The following CMTM8 variants were observed in gnomAD, a reference collection of about 807,000 sequenced individuals.
CMTM8 encodes the protein CKLF-like MARVEL transmembrane domain-containing protein 8.
CMTM8 carries 12 observed loss-of-function variants against 18.6 expected under a neutral mutation model. That is an observed-to-expected ratio of 0.65 (90% CI 0.41 to 1.05). CMTM8 has a LOEUF of 1.05. Ranked by LOEUF, CMTM8 falls within the 50% of genes least tolerant of loss-of-function variation. The pLI is 0.00. For missense variants in CMTM8, 217 were observed against 227.2 expected (o/e 0.95, Z 0.29); for synonymous variants, 87 against 90.6 (o/e 0.96, Z 0.23).
rs974668948 is a variant in CMTM8, at chr3:32,324,104, G to A, written c.148-33269G>A. Among the ~76,000 whole-genome samples, 5 of 152,070 alleles carry A rather than the reference G, an allele frequency of 3.3e-5. No homozygotes were observed. The East Asian group carries it at 5.8e-4, about 18-fold the overall frequency. ...TCCTGTTTCTACAGCTAGTTGAGTC[G>A]GCTGAGCTTTGTTTTTCTGTTTGAA... On this transcript the variant is annotated intron_variant, in intron 1 of 3. Coordinates refer to ENST00000307526, the MANE Select transcript of CMTM8 (RefSeq NM_178868.5).
In CMTM8 at chr3:32,337,691, G is replaced by A. The variant is rs1696413071; in HGVS notation, c.148-19682G>A. ...AGACACCTTGCTGGGCTCCTTCCCA[G>A]AAATGCTGATTCAGCAGGTCTGGGT... On this transcript the variant is annotated intron_variant, in intron 1 of 3. Coordinates refer to ENST00000307526, the MANE Select transcript of CMTM8 (RefSeq NM_178868.5). Among the ~76,000 whole-genome samples the A allele has an allele frequency of 2.6e-5, 4 of 152,194 alleles. No individual in the cohort carries two copies. The South Asian group carries it at 8.3e-4, about 32-fold the overall frequency.
At chr3:32,303,076 T>C (rs1695652331) in intron 1 of CMTM8, among the ~76,000 whole-genome samples, 1 of 152,218 alleles carries the variant, frequency 6.6e-6, no homozygotes, top group Non-Finnish European at 1.5e-5. Flanking sequence ...TTGATCACTA[T>C]TACATAAACT....
At chr3:32,312,341 C>T (rs1293905003) in intron 1 of CMTM8, among the ~76,000 whole-genome samples, 1 of 152,226 alleles carries the variant, frequency 6.6e-6, no homozygotes, top group South Asian at 2.1e-4. Context: ...CCCACAATTT[C>T]TGTCTGACTT....
At position 32,328,767 on chromosome 3, in the gene CMTM8, A is replaced by G. The variant is rs1016424404; in HGVS notation, c.148-28606A>G. Among the ~76,000 whole-genome samples, 10 of 152,252 alleles carry G rather than the reference A, an allele frequency of 6.6e-5. No homozygotes were observed. In the East Asian group the frequency reaches 1.9e-3, roughly 29 times the overall value. ...AGAACAGATAAACTTCTAGAAACCT[A>G]CGACCTACCAAGACTGAATCATGAA... On this transcript the variant is annotated intron_variant, in intron 1 of 3. Coordinates refer to ENST00000307526, the MANE Select transcript of CMTM8 (RefSeq NM_178868.5).
At chr3:32,261,144 C>T (rs1433871701) in intron 1 of CMTM8, among the ~76,000 whole-genome samples, 5 of 146,754 alleles carry the variant, frequency 3.4e-5, no homozygotes, top group South Asian at 4.3e-4. Context: ...ATTGCCTGGG[C>T]GACAGAGTGA....
chr3:32,298,723 C>G (rs774187222), intron 1 of CMTM8, among the ~76,000 whole-genome samples: 49 of 150,778 alleles, frequency 3.2e-4, no homozygotes, highest in Non-Finnish European at 6.0e-4. Flanking sequence ...GCAGCCTTCT[C>G]CTGAGCTCCA....
In CMTM8 at chr3:32,367,913, T is replaced by A; in HGVS notation, c.363T>A (p.Ser121=). 6.2e-7 allele frequency: 1 copy of A among 1,614,162 alleles called. No homozygotes were observed. The highest frequency in any genetic ancestry group is 8.5e-7 in the Non-Finnish European group (1 of 1,180,018). ...FNGSAFVLYL[S]AAVVDASSVS... ...GCAGTGCCTTCGTCTTGTACCTCTC[T>A]GCCGCTGTTGTAGATGCATCTTCCG... is the stretch of plus-strand genomic sequence containing the variant. Residue 121 remains serine (S), a synonymous_variant, in exon 3 of 4, where the codon TCT becomes TCA. Coordinates refer to ENST00000307526, the MANE Select transcript of CMTM8 (RefSeq NM_178868.5).
chr3:32,343,962 A>G (rs1372392559), intron 1 of CMTM8, among the ~76,000 whole-genome samples: 1 of 152,088 alleles, frequency 6.6e-6, no homozygotes, highest in African/African-American at 2.4e-5. Context: ...CAGCCTCCCA[A>G]AGTGCTGGGA....
intron 1 of CMTM8, among the ~76,000 whole-genome samples, chr3:32,264,030 G>T (rs1296189510): frequency 6.6e-6 from 1 of 152,172 alleles, no homozygotes; most frequent in Non-Finnish European, 1.5e-5. Context: ...CACTCTGCAG[G>T]ATATTATCCA....
chr3:32,241,044 T>TA (rs1701941184), intron 1 of CMTM8, among the ~76,000 whole-genome samples: 1 of 152,166 alleles, frequency 6.6e-6, no homozygotes, highest in African/African-American at 2.4e-5. Flanking sequence ...TGCCTTGGCC[T>TA]CCTAAGGTGC....
intron 1 of CMTM8, among the ~76,000 whole-genome samples, chr3:32,280,885 TG>T (rs1432076704): frequency 1.3e-4 from 19 of 149,808 alleles, no homozygotes; most frequent in African/African-American, 4.7e-4. Context: ...CAATTATATT[TG>T]GAACTACCTT....
At chr3:32,354,671 A>G (rs959788304) in intron 1 of CMTM8, among the ~76,000 whole-genome samples, 1 of 152,208 alleles carries the variant, frequency 6.6e-6, no homozygotes, top group Non-Finnish European at 1.5e-5. Context: ...ACACATCTAC[A>G]GTGCCTCTTC....
At chr3:32,331,259 A>C (rs921794929) in intron 1 of CMTM8, among the ~76,000 whole-genome samples, 1 of 152,230 alleles carries the variant, frequency 6.6e-6, no homozygotes, top group Non-Finnish European at 1.5e-5. Flanking sequence ...TCAAAACCAT[A>C]ATGAGCTATT....
intron 1 of CMTM8, among the ~76,000 whole-genome samples, chr3:32,263,859 G>T (rs1472996865): frequency 3.3e-5 from 5 of 152,124 alleles, no homozygotes; most frequent in Non-Finnish European, 7.4e-5. Context: ...AGTGATGGAA[G>T]ATCAAATGAA....
chr3:32,293,570 G>T lies in CMTM8; in HGVS notation c.147+54451G>T, dbSNP rs1445341495. On this transcript the variant is annotated intron_variant, in intron 1 of 3. Coordinates refer to ENST00000307526, the MANE Select transcript of CMTM8 (RefSeq NM_178868.5). ...CTGTCTCAAGAAATAAATAGGCCAGGTGCAGTGACTCACATCTGTAATCCC... is the reference window on the plus strand; with the variant it reads ...CTGTCTCAAGAAATAAATAGGCCAGTTGCAGTGACTCACATCTGTAATCCC... 4.6e-5 allele frequency among the ~76,000 whole-genome samples: 7 copies of T among 152,078 alleles called. No homozygotes were observed. In the South Asian group the frequency reaches 1.4e-3, roughly 31 times the overall value.
intron 1 of CMTM8, among the ~76,000 whole-genome samples, chr3:32,306,529 G>A (rs546298140): frequency 6.6e-6 from 1 of 152,326 alleles, no homozygotes; most frequent in African/African-American, 2.4e-5. Flanking sequence ...CACTCTTCCA[G>A]TGATGGAAGC....
At chr3:32,243,376 C>A (rs1376666134) in intron 1 of CMTM8, among the ~76,000 whole-genome samples, 1 of 151,554 alleles carries the variant, frequency 6.6e-6, no homozygotes, top group African/African-American at 2.4e-5. Flanking sequence ...ACTGAAAATA[C>A]AAAAATTAGC....
intron 1 of CMTM8, among the ~76,000 whole-genome samples, chr3:32,253,256 T>C (rs1691195467): frequency 6.6e-6 from 1 of 152,156 alleles, no homozygotes; most frequent in Non-Finnish European, 1.5e-5. Context: ...TCAGCCTTAG[T>C]TTCCTTTGCT....
At position 32,268,096 on chromosome 3, in the gene CMTM8, A is replaced by G. The variant is rs535809153; in HGVS notation, c.147+28977A>G. On this transcript the variant is annotated intron_variant, in intron 1 of 3. Coordinates refer to ENST00000307526, the MANE Select transcript of CMTM8 (RefSeq NM_178868.5). ...TGACCCAGCCATCCCATTACTGGGT[A>G]TATACCCAAAGGATTATAAATCATG... Among the ~76,000 whole-genome samples the G allele has an allele frequency of 9.5e-4, 144 of 152,350 alleles. 3 individuals carry two copies. Among genetic ancestry groups the G allele is most frequent in the African/African-American group, 3.2e-3 (132 of 41,584 alleles).
Sources: gnomAD v4.1 joint callset for allele counts (sites outside exome capture counted in the v4.1 genomes callset) on GRCh38, gnomAD v4.1.1 for gene constraint, MANE v1.5 for transcripts, NCBI Gene and HGNC (gene_info 2026-07-23, HGNC 2026-07-21) for gene names.